Variants in SAMD4A observed in about 807,000 individuals in gnomAD.
The protein encoded by SAMD4A is protein Smaug homolog 1.
SAMD4A carries 33 observed loss-of-function variants against 81.3 expected under a neutral mutation model. That is an observed-to-expected ratio of 0.41 (90% CI 0.31 to 0.54). The LOEUF (loss-of-function observed/expected upper bound fraction) is 0.54. SAMD4A is among the 20% of genes least tolerant of loss of function. The pLI is 0.37. For missense variants in SAMD4A, 854 were observed against 951.1 expected, an observed-to-expected ratio of 0.90 and a Z score of 1.34; for synonymous variants, 389 against 382.1, an observed-to-expected ratio of 1.02 and a Z score of -0.21.
chr14:54,679,174 T>G (rs1226682500), intron 2 of SAMD4A, among the ~76,000 whole-genome samples: 1 of 152,192 alleles, frequency 6.6e-6, no homozygotes, highest in African/African-American at 2.4e-5. Flanking sequence ...AGGTCAAATA[T>G]TTAAAGTTGT....
At chr14:54,613,734 C>T (rs995437888) in intron 2 of SAMD4A, among the ~76,000 whole-genome samples, 1 of 152,152 alleles carries the variant, frequency 6.6e-6, no homozygotes, top group Non-Finnish European at 1.5e-5. Flanking sequence ...TTTACTCCAT[C>T]GATTACACAT....
At chr14:54,645,151 G>T (rs1036554294) in intron 2 of SAMD4A, among the ~76,000 whole-genome samples, 10 of 152,160 alleles carry the variant, frequency 6.6e-5, no homozygotes, top group African/African-American at 2.4e-4. Flanking sequence ...ATTTGAATAG[G>T]ACCCAAGGAC....
Position 54,791,496 on chromosome 14 carries a change from T to C in SAMD4A, c.*2552T>C, listed in dbSNP as rs2039258400. On this transcript the variant is annotated 3_prime_UTR_variant, in exon 13 of 13. Transcript: ENST00000554335. ...ACAATGGTTATCTGATTATTAGAGA[T>C]ATTATTTTGGATATGTTACTTATTA... 1 of 152,272 alleles carries C rather than the reference T, an allele frequency of 6.6e-6. No homozygotes were observed. The highest frequency in any genetic ancestry group is 6.5e-5 in the Admixed American group (1 of 15,290). The allele number at this position is 152,272 out of a possible 1,614,324, so 9.4% of individuals were successfully genotyped here. A position where few individuals can be genotyped will look rare whatever the true frequency, so the allele number is the denominator to read the frequency against.
At chr14:54,616,132 A>G (rs758972841) in intron 2 of SAMD4A, among the ~76,000 whole-genome samples, 21 of 152,246 alleles carry the variant, frequency 1.4e-4, no homozygotes, top group Non-Finnish European at 2.9e-5. Flanking sequence ...TTTCATCTCA[A>G]GAATGGAAAC....
At chr14:54,666,242 T>C (rs921027617) in intron 2 of SAMD4A, among the ~76,000 whole-genome samples, 5 of 152,216 alleles carry the variant, frequency 3.3e-5, no homozygotes, top group African/African-American at 1.2e-4. Context: ...AAGTACTGGA[T>C]ATAGCAAAGC....
intron 2 of SAMD4A, among the ~76,000 whole-genome samples, chr14:54,684,293 G>A (rs1289657122): frequency 1.3e-5 from 2 of 152,212 alleles, no homozygotes; most frequent in Admixed American, 1.3e-4. Context: ...TCCAAAGGGG[G>A]AGCAGCTTAC....
rs1403983286 is a variant in SAMD4A, at chr14:54,636,728, G to A, written c.197-65334G>A. Among the ~76,000 whole-genome samples the A allele has an allele frequency of 2.6e-5, 4 of 152,094 alleles. No homozygotes were observed. In the East Asian group the frequency reaches 7.7e-4, roughly 29 times the overall value. On this transcript the variant is annotated intron_variant, in intron 2 of 12. Transcript: ENST00000554335. ...GGATATAGGGTGAGAGAGAAAGAGA[G>A]GAGTCAGGAATTATCCTAAGCTTTT...
chr14:54,591,535 T>G (rs76717206), intron 2 of SAMD4A, among the ~76,000 whole-genome samples: 1 of 135,350 alleles, frequency 7.4e-6, no homozygotes, highest in African/African-American at 2.8e-5. Flanking sequence ...TTGTTTTTTT[T>G]TTTTTGTTTT....
chr14:54,654,677 C>T (rs2035480903), intron 2 of SAMD4A, among the ~76,000 whole-genome samples: 1 of 152,176 alleles, frequency 6.6e-6, no homozygotes, highest in South Asian at 2.1e-4. Context: ...AAGGCTAGTC[C>T]TCTATTCTGT....
rs571131591 is a variant in SAMD4A, at chr14:54,751,433, C to A, written c.1090-18C>A. The A allele has an allele frequency of 6.6e-5, 93 of 1,416,608 alleles. 5 individuals are homozygous for A. In the South Asian group the frequency reaches 1.1e-3, roughly 17 times the overall value. The allele number at this position is 1,416,608 out of a possible 1,614,324, so 87.8% of individuals were successfully genotyped here. On this transcript the variant is annotated intron_variant, in intron 5 of 12. Coordinates refer to ENST00000554335, the MANE Select transcript of SAMD4A (RefSeq NM_015589.6). ...TTTTTAAATATACATTTAAATGTAACTTGTTATTTAATTACAGAATGTTAC... is the reference window on the plus strand; with the variant it reads ...TTTTTAAATATACATTTAAATGTAAATTGTTATTTAATTACAGAATGTTAC...
At chr14:54,631,112 A>C (rs1290771923) in intron 2 of SAMD4A, among the ~76,000 whole-genome samples, 1 of 152,036 alleles carries the variant, frequency 6.6e-6, no homozygotes, top group African/African-American at 2.4e-5. Context: ...AGTCCAAAGC[A>C]GGAAAAGGCT....
intron 2 of SAMD4A, among the ~76,000 whole-genome samples, chr14:54,622,404 G>A (rs1486659981): frequency 2.6e-5 from 4 of 152,208 alleles, no homozygotes; most frequent in Admixed American, 6.5e-5. Context: ...AGAGGCAGGC[G>A]TGTGATGTTA....
At chr14:54,752,465 A>G (rs959278514) in intron 6 of SAMD4A, among the ~76,000 whole-genome samples, 1 of 152,214 alleles carries the variant, frequency 6.6e-6, no homozygotes, top group Non-Finnish European at 1.5e-5. Flanking sequence ...TAGTAATCCC[A>G]GGGAGCTTTT....
At chr14:54,653,807 A>G (rs1402999098) in intron 2 of SAMD4A, among the ~76,000 whole-genome samples, 1 of 152,178 alleles carries the variant, frequency 6.6e-6, no homozygotes, top group Non-Finnish European at 1.5e-5. Context: ...TTCTGAGGCA[A>G]TGGAGTGGCA....
rs2038645372 is a variant in SAMD4A at position 54,769,494 on chromosome 14, G to A, written c.1597-610G>A. Among the ~76,000 whole-genome samples, 4 of 152,178 alleles carry A rather than the reference G, an allele frequency of 2.6e-5. No homozygotes were observed. In the South Asian group the frequency reaches 8.3e-4, roughly 32 times the overall value. ...CACACACCAGTTTTGCTAGAAAAGAGTTCTGCAGGCATCAGACCTACATAC... is the reference window on the plus strand; with the variant it reads ...CACACACCAGTTTTGCTAGAAAAGAATTCTGCAGGCATCAGACCTACATAC... On this transcript the variant is annotated intron_variant, in intron 8 of 12. Transcript: ENST00000554335.
intron 2 of SAMD4A, among the ~76,000 whole-genome samples, chr14:54,673,499 C>T (rs1184636970): frequency 2.0e-5 from 3 of 152,246 alleles, no homozygotes; most frequent in Non-Finnish European, 4.4e-5. Flanking sequence ...GTCAGCATAG[C>T]GGGCTGCCTG....
chr14:54,727,274 C>T (rs1194567283), intron 3 of SAMD4A, among the ~76,000 whole-genome samples: 1 of 135,268 alleles, frequency 7.4e-6, no homozygotes, highest in African/African-American at 2.8e-5. Flanking sequence ...ACTGCAACCT[C>T]TGTCTCCTGG....
At chr14:54,574,439 C>T (rs1594680297) in intron 2 of SAMD4A, among the ~76,000 whole-genome samples, 1 of 152,248 alleles carries the variant, frequency 6.6e-6, no homozygotes, top group South Asian at 2.1e-4. Flanking sequence ...ATCAAGAAAA[C>T]CACACATGCA....
At chr14:54,782,332 TG>T (rs918068983) in intron 11 of SAMD4A, among the ~76,000 whole-genome samples, 6 of 151,468 alleles carry the variant, frequency 4.0e-5, no homozygotes, top group African/African-American at 1.2e-4. Context: ...TGCTGAGGTT[TG>T]TTTTTTTTTT....
Sources: gnomAD v4.1 joint callset for allele counts (sites outside exome capture counted in the v4.1 genomes callset) on GRCh38, gnomAD v4.1.1 for gene constraint, MANE v1.5 for transcripts, NCBI Gene and HGNC (gene_info 2026-07-23, HGNC 2026-07-21) for gene names.